Variants in NBEA observed in about 807,000 individuals in gnomAD.
NBEA encodes lysosomal-trafficking regulator 2.
In NBEA, 44 loss-of-function variants were observed where a neutral mutation model predicts 343.4. The ratio of observed to expected loss-of-function variants is 0.13; its 90% CI spans 0.10 to 0.16. The LOEUF is 0.16. Ranked by LOEUF, NBEA falls within the 10% of genes least tolerant of loss-of-function variation. The probability of loss-of-function intolerance (pLI) is 1.00; values close to 1 mark genes in which losing one functional copy is unlikely to be tolerated. For synonymous variants in NBEA, 1,175 were observed against 1,238.7 expected, an observed-to-expected ratio of 0.95 and a Z score of 1.08; for missense variants, 2,555 against 3,631.3, an observed-to-expected ratio of 0.70 and a Z score of 7.62.
At chr13:35,087,353 C>T (rs988533450) in intron 10 of NBEA, among the ~76,000 whole-genome samples, 9 of 151,548 alleles carry the variant, frequency 5.9e-5, no homozygotes, top group African/African-American at 1.7e-4. Context: ...AAGTTGGTAC[C>T]TAATCTTATA....
Position 35,173,423 on chromosome 13 carries a change from A to G in NBEA, c.4424-41A>G, listed in dbSNP as rs372543857. 6.8e-5 allele frequency: 102 copies of G among 1,493,394 alleles called. No homozygotes were observed. The African/African-American group carries it at 1.1e-3, about 15-fold the overall frequency. The allele number at this position is 1,493,394 out of a possible 1,614,324, so 92.5% of individuals were successfully genotyped here. A position where few individuals can be genotyped will look rare whatever the true frequency, so the allele number is the denominator to read the frequency against. On this transcript the variant is annotated intron_variant, in intron 26 of 58. Coordinates refer to ENST00000379939, the MANE Select transcript of NBEA (RefSeq NM_001385012.1). ...CAACTTTTTCCAGGATATCAAAGTC[A>G]ACAATTTATATTAACAATATGTTTT...
intron 38 of NBEA, among the ~76,000 whole-genome samples, chr13:35,354,630 T>A (rs997257205): frequency 2.6e-5 from 4 of 152,176 alleles, no homozygotes; most frequent in Non-Finnish European, 5.9e-5. Flanking sequence ...ATTTTTATGA[T>A]CATTTACTAA....
chr13:35,271,281 A>T (rs1471813696), intron 34 of NBEA, among the ~76,000 whole-genome samples: 1 of 152,220 alleles, frequency 6.6e-6, no homozygotes, highest in Non-Finnish European at 1.5e-5. Flanking sequence ...GTTAGAAGGA[A>T]AACTAACAAA....
intron 1 of NBEA, among the ~76,000 whole-genome samples, chr13:35,000,913 A>G (rs2061112949): frequency 6.6e-6 from 1 of 152,038 alleles, no homozygotes; most frequent in Admixed American, 6.6e-5. Context: ...TTCAAAAAAG[A>G]AAAAGCCTTG....
chr13:35,121,494 T>C (rs923764181), intron 16 of NBEA, among the ~76,000 whole-genome samples: 1 of 152,048 alleles, frequency 6.6e-6, no homozygotes, highest in Non-Finnish European at 1.5e-5. Context: ...TTTTTTTTTT[T>C]TGACATGTCT....
At chr13:35,148,904 G>A (rs1209574229) in intron 18 of NBEA, among the ~76,000 whole-genome samples, 1 of 152,146 alleles carries the variant, frequency 6.6e-6, no homozygotes, top group East Asian at 1.9e-4. Context: ...ACAGAAACAG[G>A]TGGCAGGCTA....
chr13:35,495,215 G>A (rs2076635804), intron 41 of NBEA, among the ~76,000 whole-genome samples: 1 of 151,804 alleles, frequency 6.6e-6, no homozygotes, highest in African/African-American at 2.4e-5. Flanking sequence ...AAGACCTAGA[G>A]ATGGCTACAA....
intron 57 of NBEA, 37 bp downstream of exon 57, chr13:35,667,607 C>T: frequency 6.5e-7 from 1 of 1,531,774 alleles, no homozygotes; most frequent in Non-Finnish European, 9.0e-7. Context: ...AGGACTGAAG[C>T]CAAGAGATTA....
At chr13:35,360,617 C>T (rs2040756584) in intron 38 of NBEA, among the ~76,000 whole-genome samples, 1 of 151,730 alleles carries the variant, frequency 6.6e-6, no homozygotes, top group Non-Finnish European at 1.5e-5. Context: ...AAGGTAAATA[C>T]TTTTTAAATG....
At chr13:35,646,126 G>A in intron 50 of NBEA, 133 bp from the exon 51 acceptor site, 1 of 755,538 alleles carries the variant, frequency 1.3e-6, no homozygotes, top group Non-Finnish European at 2.2e-6. Flanking sequence ...TGCACCCTGA[G>A]AAAAGAGCAC....
intron 41 of NBEA, among the ~76,000 whole-genome samples, chr13:35,548,536 C>T (rs2079167674): frequency 1.3e-5 from 2 of 152,110 alleles, no homozygotes; most frequent in African/African-American, 2.4e-5. Context: ...GCCAACACAG[C>T]TTTCATGGGA....
chr13:35,445,530 A>G (rs1017358352), intron 39 of NBEA, among the ~76,000 whole-genome samples: 2 of 151,858 alleles, frequency 1.3e-5, no homozygotes, highest in African/African-American at 2.4e-5. Flanking sequence ...ACAATAACTT[A>G]TGAATGGCAA....
chr13:35,131,849 T>C (rs757615577), intron 17 of NBEA, among the ~76,000 whole-genome samples: 2 of 152,176 alleles, frequency 1.3e-5, no homozygotes, highest in African/African-American at 2.4e-5. Flanking sequence ...CCACACAGAA[T>C]TAAATTTGAA....
chr13:35,064,703 T>G (rs1403778051), intron 8 of NBEA, among the ~76,000 whole-genome samples: 1 of 151,604 alleles, frequency 6.6e-6, no homozygotes. Context: ...GGTCATTTGG[T>G]TATTGGGCCC....
At chr13:35,406,297 C>CTTTT (rs10638454) in intron 38 of NBEA, among the ~76,000 whole-genome samples, 70 of 144,172 alleles carry the variant, frequency 4.9e-4, no homozygotes, top group African/African-American at 1.6e-3. Flanking sequence ...TCAGCCAAAT[C>CTTTT]TTTTTTTTTT....
At chr13:34,958,193 T>C (rs1161137747) in intron 1 of NBEA, among the ~76,000 whole-genome samples, 2 of 152,190 alleles carry the variant, frequency 1.3e-5, no homozygotes, top group African/African-American at 4.8e-5. Context: ...AAATTATATA[T>C]GTACCTCACA....
chr13:35,151,664 T>A (rs564223996), intron 18 of NBEA, among the ~76,000 whole-genome samples: 115 of 152,196 alleles, frequency 7.6e-4, no homozygotes, highest in Non-Finnish European at 1.4e-3. Context: ...CCAAAAAAAA[T>A]TAATAAATTA....
At chr13:35,270,455 C>T (rs1465696405) in intron 34 of NBEA, among the ~76,000 whole-genome samples, 1 of 152,170 alleles carries the variant, frequency 6.6e-6, no homozygotes, top group African/African-American at 2.4e-5. Context: ...TGAGGTACCT[C>T]GTTCATCTCA....
At chr13:35,216,607 C>A (rs531098719) in intron 33 of NBEA, among the ~76,000 whole-genome samples, 1 of 151,930 alleles carries the variant, frequency 6.6e-6, no homozygotes, top group East Asian at 1.9e-4. Flanking sequence ...ATATTCAATT[C>A]AATATTTTTT....
Sources: gnomAD v4.1 joint callset for allele counts (sites outside exome capture counted in the v4.1 genomes callset) on GRCh38, gnomAD v4.1.1 for gene constraint, MANE v1.5 for transcripts, NCBI Gene and HGNC (gene_info 2026-07-23, HGNC 2026-07-21) for gene names.